COL28A1: variants seen among roughly 807,000 people sequenced by gnomAD.
COL28A1 encodes collagen alpha-1(XXVIII) chain.
Under a neutral mutation model 150.2 loss-of-function variants are expected in COL28A1, and 161 were observed. The ratio of observed to expected loss-of-function variants is 1.07; its 90% CI spans 0.94 to 1.22. The LOEUF is 1.22. Ranked by LOEUF, COL28A1 falls within the 50% of genes most tolerant of loss-of-function variation. The pLI, the probability that COL28A1 is intolerant of heterozygous loss-of-function variation, is 0.00. For synonymous variants in COL28A1, 552 were observed against 469.7 expected (o/e 1.18, Z -2.26); for missense variants, 1,617 against 1,388.3 (o/e 1.16, Z -2.62).
rs151213691 is a variant in COL28A1 at position 7,359,224 on chromosome 7, G to C, written c.3206-419C>G. Among the ~76,000 whole-genome samples, 312 of 151,568 alleles carry C rather than the reference G, an allele frequency of 2.1e-3. 1 individual carries two copies. The highest frequency in any genetic ancestry group is 7.1e-3 in the African/African-American group (292 of 41,272). On this transcript the variant is annotated intron_variant, in intron 34 of 34. Transcript: ENST00000399429. ...TTCTGTACACATTTCCTCCCATTCT[G>C]TTCACAGAAGGCACCACTATGATCA... is the stretch of plus-strand genomic sequence containing the variant.
the COL28A1 span, among the ~76,000 whole-genome samples, chr7:7,342,937 C>T: frequency 4.0e-5 from 6 of 151,864 alleles, no homozygotes; most frequent in African/African-American, 1.2e-4. Context: ...CTAGAGTTGA[C>T]CTCACTCTTT....
intron 27 of COL28A1, among the ~76,000 whole-genome samples, chr7:7,406,092 C>A (rs1783476688): frequency 6.6e-6 from 1 of 152,108 alleles, no homozygotes; most frequent in Non-Finnish European, 1.5e-5. Context: ...AAAATCAAAT[C>A]CAGCTGTACC....
chr7:7,537,140 G>A (rs1358884843), upstream of COL28A1, among the ~76,000 whole-genome samples: 1 of 152,198 alleles, frequency 6.6e-6, no homozygotes, highest in African/African-American at 2.4e-5. Context: ...CTGCTTACCT[G>A]CATATTCCAG....
chr7:7,491,845 G>A (rs552587248), intron 11 of COL28A1, among the ~76,000 whole-genome samples: 2 of 152,178 alleles, frequency 1.3e-5, no homozygotes, highest in African/African-American at 4.8e-5. Flanking sequence ...ATTTTTTTCT[G>A]TTTATCAAAA....
At chr7:7,379,098 T>C (rs73345273) in intron 30 of COL28A1, among the ~76,000 whole-genome samples, 2,100 of 152,270 alleles carry the variant, frequency 0.014, 64 homozygotes, top group African/African-American at 0.048. Flanking sequence ...GAGGAACATA[T>C]GTGCATGCCC....
At chr7:7,533,973 T>A (rs1405789352) in intron 1 of COL28A1, among the ~76,000 whole-genome samples, 1 of 152,194 alleles carries the variant, frequency 6.6e-6, no homozygotes, top group African/African-American at 2.4e-5. Context: ...GGGATAAGAA[T>A]CTGGGAAATC....
rs369683040 is a variant in COL28A1 at position 7,517,807 on chromosome 7, T to C, written c.844A>G (p.Arg282Gly). 2 of 1,613,696 alleles carry C rather than the reference T, an allele frequency of 1.2e-6. No individual in the cohort carries two copies. The highest frequency in any genetic ancestry group is 1.3e-5 in the African/African-American group (1 of 74,908). The change falls in exon 7 of 35, where the codon AGA (arginine) becomes GGA (glycine). Residue 282 changes from arginine to glycine, a missense_variant. Coordinates refer to ENST00000399429, the MANE Select transcript of COL28A1 (RefSeq NM_001037763.3). ...AGTTGTGTACATACCCCTGGACCTC[T>C]TTCTCCAGCTTCTCCTTTTTGAGCG... ...GNAQKGEAGE[R>G]GPGGIPGYKG...
At chr7:7,366,431 T>C (rs1247821575) in intron 33 of COL28A1, among the ~76,000 whole-genome samples, 1 of 152,172 alleles carries the variant, frequency 6.6e-6, no homozygotes, top group African/African-American at 2.4e-5. Context: ...GTCTAGAATA[T>C]TTCTTCTAGA....
At chr7:7,433,199 A>G (rs935343273) in intron 23 of COL28A1, among the ~76,000 whole-genome samples, 17 of 152,278 alleles carry the variant, frequency 1.1e-4, no homozygotes, top group African/African-American at 3.8e-4. Context: ...TCTCCTACAG[A>G]AAGAGCAGGG....
chr7:7,441,037 TCA>T (rs1169242676), intron 20 of COL28A1, among the ~76,000 whole-genome samples, 176 bp from the exon 21 acceptor site: 1 of 152,238 alleles, frequency 6.6e-6, no homozygotes, highest in Non-Finnish European at 1.5e-5. Flanking sequence ...TCAGATGACT[TCA>T]GATTGTTCAG....
intron 14 of COL28A1, among the ~76,000 whole-genome samples, chr7:7,475,549 A>G (rs1199198903): frequency 6.6e-6 from 1 of 152,254 alleles, no homozygotes; most frequent in Non-Finnish European, 1.5e-5. Context: ...AAGAGTATCA[A>G]TAAAGTATGA....
In COL28A1 at chr7:7,391,108, GC is replaced by G. The variant is rs1420563478; in HGVS notation, c.2137-9497del. 2.6e-5 allele frequency among the ~76,000 whole-genome samples: 4 copies of G among 152,262 alleles called. No homozygotes were observed. The East Asian group carries it at 7.7e-4, about 29-fold the overall frequency. On this transcript the variant is annotated intron_variant, in intron 27 of 34. Transcript: ENST00000399429. ...AAATCTTTCCCACTTTCTCTTGTGG[GC>G]ATTTCGTGCTATAAATTTCCCTCTA...
intron 30 of COL28A1, among the ~76,000 whole-genome samples, chr7:7,379,591 C>T (rs1781752716): frequency 6.6e-6 from 1 of 152,174 alleles, no homozygotes; most frequent in South Asian, 2.1e-4. Flanking sequence ...ACTATTTCCC[C>T]AGTGCCTATT....
chr7:7,444,891 G>A (rs1300794941), intron 18 of COL28A1, among the ~76,000 whole-genome samples: 1 of 152,106 alleles, frequency 6.6e-6, no homozygotes, highest in Non-Finnish European at 1.5e-5. Flanking sequence ...GTTGGAGGAG[G>A]GGCCTGGTAG....
At chr7:7,500,480 A>G (rs1270139176) in intron 11 of COL28A1, among the ~76,000 whole-genome samples, 1 of 152,214 alleles carries the variant, frequency 6.6e-6, no homozygotes, top group East Asian at 1.9e-4. Flanking sequence ...ATATCTGTCC[A>G]GTTCTTCTGC....
At chr7:7,483,927 A>C (rs1779484197) in intron 13 of COL28A1, among the ~76,000 whole-genome samples, 1 of 152,150 alleles carries the variant, frequency 6.6e-6, no homozygotes, top group South Asian at 2.1e-4. Context: ...TGAGTTAAGA[A>C]CATTTTATAA....
rs1398541638 is a variant in COL28A1 at position 7,370,879 on chromosome 7, G to A, written c.2912C>T (p.Thr971Ile). The change falls in exon 33 of 35, where the codon ACC (threonine) becomes ATC (isoleucine). Residue 971 changes from threonine (T) to isoleucine (I), a missense_variant. Thr to Ile is a moderately conservative substitution (Grantham distance 89). Transcript: ENST00000399429. ...TTTTTGAAACAATTTTTGCTTCAGG[G>A]TGTCTTTTAAAAAAGAAGTAGAAAA... ...QFDDFFTLQDTLKQKLFQKIC... is the reference protein window; with the variant it reads ...QFDDFFTLQDILKQKLFQKIC... 1.9e-6 allele frequency: 3 copies of A among 1,604,156 alleles called. No individual in the cohort carries two copies. Among genetic ancestry groups the A allele is most frequent in the Non-Finnish European group, 2.6e-6 (3 of 1,172,588 alleles).
At position 7,493,270 on chromosome 7, in the gene COL28A1, A is replaced by C. The variant is rs1780026853; in HGVS notation, c.1027-2624T>G. On this transcript the variant is annotated intron_variant, in intron 11 of 34. Coordinates refer to ENST00000399429, the MANE Select transcript of COL28A1 (RefSeq NM_001037763.3). ...TAGAGAATTTGAGGATTTTTTGAGT[A>C]GTGGAAGTTCTGCCCTACTTGGTAC... Among the ~76,000 whole-genome samples, 3 of 152,032 alleles carry C rather than the reference A, an allele frequency of 2.0e-5. No individual in the cohort carries two copies. In the South Asian group the frequency reaches 6.2e-4, roughly 32 times the overall value.
intron 21 of COL28A1, among the ~76,000 whole-genome samples, chr7:7,438,201 G>C (rs1388114777): frequency 6.6e-6 from 1 of 152,154 alleles, no homozygotes; most frequent in Non-Finnish European, 1.5e-5. Context: ...GCAGTGAGCT[G>C]AGATCGCATC....
Sources: gnomAD v4.1 joint callset for allele counts (sites outside exome capture counted in the v4.1 genomes callset) on GRCh38, gnomAD v4.1.1 for gene constraint, MANE v1.5 for transcripts, NCBI Gene and HGNC (gene_info 2026-07-23, HGNC 2026-07-21) for gene names.